The following FRMPD2 variants were observed in gnomAD, a reference collection of about 807,000 sequenced individuals.
FRMPD2 encodes the protein FERM and PDZ domain containing 2.
FRMPD2 carries 96 observed loss-of-function variants against 140.1 expected under a neutral mutation model. The observed-to-expected ratio is 0.69, with a 90% confidence interval of 0.58 to 0.81. The LOEUF is 0.81. Among genes scored for constraint, FRMPD2 ranks in the 40% least tolerant of loss-of-function variants. The pLI is 0.00. For synonymous variants in FRMPD2, 449 were observed against 547.6 expected (o/e 0.82, Z 2.52); for missense variants, 1,240 against 1,447.4 (o/e 0.86, Z 2.32).
intron 24 of FRMPD2, 136 bp downstream of exon 24, chr10:48,174,734 A>G (rs1838360198): frequency 1.3e-6 from 1 of 756,252 alleles, no homozygotes; most frequent in Non-Finnish European, 2.3e-6. Flanking sequence ...AAGAAATGGA[A>G]GAGAAAAAAA....
At chr10:48,193,360 T>C (rs1304943344) in intron 15 of FRMPD2, among the ~76,000 whole-genome samples, 2 of 152,206 alleles carry the variant, frequency 1.3e-5, no homozygotes, top group Non-Finnish European at 2.9e-5. Context: ...ACCTTTAATC[T>C]CTACACAGCG....
Position 48,156,567 on chromosome 10 carries a change from G to A in FRMPD2, c.*755C>T, listed in dbSNP as rs1437097410. On this transcript the variant is annotated 3_prime_UTR_variant, in exon 29 of 29. Transcript: ENST00000374201. ...TATAAGGCACCAACCCTGGCTTTGA[G>A]GAGCCCCCAATTTAATGAGAAGTTG... 1 of 214,950 alleles carries A rather than the reference G, an allele frequency of 4.7e-6. No homozygotes were observed. The highest frequency in any genetic ancestry group is 9.4e-5 in the East Asian group (1 of 10,666). 13.3% of individuals were successfully genotyped at this position (214,950 alleles called of 1,614,324 possible). A position where few individuals can be genotyped will look rare whatever the true frequency, so the allele number is the denominator to read the frequency against.
At chr10:48,181,878 T>TATATATATATATATATATATATA (rs1564417058) in intron 20 of FRMPD2, among the ~76,000 whole-genome samples, 6 of 36,234 alleles carry the variant, frequency 1.7e-4, no homozygotes, top group East Asian at 7.9e-4. Context: ...TATATATATA[T>TATATATATATATATATATATATA]GGCTCTCATA....
At chr10:48,194,936 C>G (rs1838918425) in intron 15 of FRMPD2, among the ~76,000 whole-genome samples, 1 of 152,160 alleles carries the variant, frequency 6.6e-6, no homozygotes, top group Non-Finnish European at 1.5e-5. Flanking sequence ...CACGAATGTC[C>G]CAAAGCCACT....
chr10:48,233,413 G>T (rs17697510), intron 9 of FRMPD2, among the ~76,000 whole-genome samples: 18,877 of 152,232 alleles, frequency 0.12, 1,499 homozygotes, highest in Non-Finnish European at 0.17. Context: ...ACAAGGCCTA[G>T]GAAATCAATA....
rs372107859 is a variant in FRMPD2, at chr10:48,184,611, G to A, written c.2539C>T (p.Gln847Ter). 1 of 1,613,232 alleles carries A rather than the reference G, an allele frequency of 6.2e-7. No individual in the cohort carries two copies. Among genetic ancestry groups the A allele is most frequent in the Non-Finnish European group, 8.5e-7 (1 of 1,179,324 alleles). Residue 847 changes from glutamine to a stop codon, truncating the protein, a stop_gained, in exon 20 of 29, where the codon CAG becomes TAG. Coordinates refer to ENST00000374201, the MANE Select transcript of FRMPD2 (RefSeq NM_001018071.4). LOFTEE classifies it high-confidence loss of function. ...FTFNMAVRMI[Q>*]NSPDNIELII... ...AATTCTATGTTGTCAGGGGAATTCT[G>A]GATCATCCTAACAGCCATGTTGAAT...
intron 16 of FRMPD2, among the ~76,000 whole-genome samples, chr10:48,192,138 G>T (rs1838843511): frequency 6.6e-6 from 1 of 152,182 alleles, no homozygotes. Context: ...TTCACCAAAA[G>T]ACGGGAGCAT....
In FRMPD2 at chr10:48,244,824, G is replaced by A; in HGVS notation, c.335C>T (p.Thr112Ile). 1 of 1,613,168 alleles carries A rather than the reference G, an allele frequency of 6.2e-7. No individual in the cohort carries two copies. The highest frequency in any genetic ancestry group is 8.5e-7 in the Non-Finnish European group (1 of 1,179,150). The change falls in exon 4 of 29, where the codon ACC becomes ATC. Residue 112 changes from threonine to isoleucine, a missense_variant. Thr to Ile is a moderately conservative substitution (Grantham distance 89, BLOSUM62 -1). Coordinates refer to ENST00000374201, the MANE Select transcript of FRMPD2 (RefSeq NM_001018071.4). ...SQMHVYSLGM[T>I]LYWSAGFHVP... ...ATGAAACCCTGCTGACCAGTAGAGG[G>A]TCATTCCTAAAGAATAGACATGCAT...
chr10:48,204,246 T>A lies in FRMPD2; in HGVS notation c.1797+2502A>T, dbSNP rs145720800. 1.1e-4 allele frequency among the ~76,000 whole-genome samples: 16 copies of A among 152,316 alleles called. No individual in the cohort carries two copies. In the East Asian group the frequency reaches 3.1e-3, roughly 29 times the overall value. On this transcript the variant is annotated intron_variant, in intron 14 of 28. Transcript: ENST00000374201. The stretch of plus-strand genomic sequence containing the variant: ...CTCATCTAATTGAAATGCTTCCCTA[T>A]CAGGGATATACTCTATAATTGTGTA...
chr10:48,159,358 A>G (rs1837872888), intron 28 of FRMPD2: 1 of 424,620 alleles, frequency 2.4e-6, no homozygotes, highest in Admixed American at 2.5e-5. Flanking sequence ...ACCCCTGGGT[A>G]TCTGGGGATA....
chr10:48,195,189 T>G (rs910118807), intron 15 of FRMPD2, among the ~76,000 whole-genome samples: 2 of 152,204 alleles, frequency 1.3e-5, no homozygotes, highest in Non-Finnish European at 2.9e-5. Context: ...GTGGAAGGGC[T>G]GAGACCAACC....
At chr10:48,254,386 G>A (rs1840449550) in intron 1 of FRMPD2, among the ~76,000 whole-genome samples, 1 of 152,234 alleles carries the variant, frequency 6.6e-6, no homozygotes, top group African/African-American at 2.4e-5. Context: ...TGAGAGGTCT[G>A]GCAGGCAGAT....
Position 48,201,265 on chromosome 10 carries a change from T to G in FRMPD2, c.1917A>C (p.Ala639=), listed in dbSNP as rs749823368. The change falls in exon 15 of 29, where the codon GCA becomes GCC. Residue 639 remains alanine (A), a synonymous_variant. Transcript: ENST00000374201. ...GGGAAGGCTGCCCAGAGCCCATCTGTGCATTAAACCCATGCTGGGCTGAGC... is the reference window on the plus strand; with the variant it reads ...GGGAAGGCTGCCCAGAGCCCATCTGGGCATTAAACCCATGCTGGGCTGAGC... ...DLCSAQHGFN[A]QMGSGQPSHV... 4.4e-5 allele frequency: 71 copies of G among 1,613,356 alleles called. No homozygotes were observed. The highest frequency in any genetic ancestry group is 5.9e-5 in the Non-Finnish European group (70 of 1,179,620).
chr10:48,214,989 G>T (rs1271117003), intron 12 of FRMPD2, among the ~76,000 whole-genome samples: 1 of 152,220 alleles, frequency 6.6e-6, no homozygotes, highest in African/African-American at 2.4e-5. Context: ...ATCAAGGCAG[G>T]GAGAGAATGC....
intron 5 of FRMPD2, 109 bp downstream of exon 5, chr10:48,242,052 T>A: frequency 1.3e-6 from 1 of 787,034 alleles, no homozygotes; most frequent in Non-Finnish European, 1.9e-6. Context: ...TGTGACTGAT[T>A]AATTTAATTT....
At chr10:48,250,561 C>T (rs376960858) in intron 2 of FRMPD2, among the ~76,000 whole-genome samples, 6 of 152,058 alleles carry the variant, frequency 3.9e-5, no homozygotes, top group Middle Eastern at 3.4e-3. Context: ...CCACCACGCC[C>T]GGCTAATATT....
chr10:48,207,251 C>A (rs772172410), intron 13 of FRMPD2, among the ~76,000 whole-genome samples: 1 of 150,436 alleles, frequency 6.6e-6, no homozygotes, highest in East Asian at 2.0e-4. Context: ...ATATTCTGAA[C>A]AAGTTTTTTA....
At chr10:48,202,177 A>C (rs1839101541) in intron 14 of FRMPD2, among the ~76,000 whole-genome samples, 1 of 152,210 alleles carries the variant, frequency 6.6e-6, no homozygotes, top group Non-Finnish European at 1.5e-5. Flanking sequence ...AGGTGATATT[A>C]AATATTAATT....
intron 12 of FRMPD2, among the ~76,000 whole-genome samples, chr10:48,214,897 C>T (rs1644740531): frequency 6.6e-6 from 1 of 152,118 alleles, no homozygotes; most frequent in Admixed American, 6.5e-5. Flanking sequence ...GGAAGGCCAC[C>T]GGAGGACATG....
Sources: allele counts gnomAD v4.1 joint callset (sites outside exome capture counted in the v4.1 genomes callset), GRCh38; gene constraint gnomAD v4.1.1; transcripts MANE v1.5; gene names NCBI Gene and HGNC (gene_info 2026-07-23, HGNC 2026-07-21).